The following SLC19A1 variants were observed in gnomAD, a reference collection of about 807,000 sequenced individuals.
SLC19A1 encodes solute carrier family 19 member 1.
Under a neutral mutation model 35.3 loss-of-function variants are expected in SLC19A1, and 37 were observed. The observed-to-expected ratio is 1.05, with a 90% CI of 0.81 to 1.38. SLC19A1 has a LOEUF of 1.38. Among genes scored for constraint, SLC19A1 ranks in the 40% most tolerant of loss-of-function variants. The pLI, the probability that SLC19A1 is intolerant of heterozygous loss-of-function variation, is 0.00. For synonymous variants in SLC19A1, 460 were observed against 398.5 expected (o/e 1.15, Z -1.84); for missense variants, 831 against 826.9 (o/e 1.00, Z -0.06).
Position 45,515,663 on chromosome 21 carries a change from G to T in SLC19A1, c.1771C>A (p.Gln591Lys). 6.2e-7 allele frequency: 1 copy of T among 1,613,478 alleles called. No individual in the cohort carries two copies. The highest frequency in any genetic ancestry group is 1.1e-5 in the South Asian group (1 of 91,050). ...LPSDGVQNVN[Q>K] ...ACCACAGGGGCGCCCGAGAGTCACTGGTTCACATTCTGAACACCGTCGCTT... is the reference window on the plus strand; with the variant it reads ...ACCACAGGGGCGCCCGAGAGTCACTTGTTCACATTCTGAACACCGTCGCTT... The change falls in exon 6 of 6, where the codon CAG (glutamine) becomes AAG (lysine). Residue 591 changes from glutamine (Q) to lysine (K), a missense_variant. Transcript: ENST00000311124.
chr21:45,554,718 C>G (rs1427611073), intron 1 of SLC19A1, among the ~76,000 whole-genome samples: 1 of 151,060 alleles, frequency 6.6e-6, no homozygotes, highest in Non-Finnish European at 1.5e-5. Context: ...GACATTTGGA[C>G]ATCTCCTTCC....
upstream of SLC19A1, among the ~76,000 whole-genome samples, chr21:45,545,718 A>G (rs2078407761): frequency 6.6e-6 from 1 of 151,990 alleles, no homozygotes; most frequent in African/African-American, 2.4e-5. Context: ...ACGGCACCCC[A>G]TATGCAGGAA....
At chr21:45,560,844 G>A (rs1350297074) in intron 1 of SLC19A1, among the ~76,000 whole-genome samples, 1 of 152,228 alleles carries the variant, frequency 6.6e-6, no homozygotes, top group Non-Finnish European at 1.5e-5. Context: ...CGGAGAATCG[G>A]CGCTGTCCTC....
In SLC19A1 at chr21:45,534,672, C is replaced by T. The variant is rs2078048547; in HGVS notation, c.190-2524G>A. ...CTCCCCCTTGGCAGCCACCCAGAGC[C>T]CTCCCGCTCCTCTCCCTGCACCTCC... On this transcript the variant is annotated intron_variant, in intron 2 of 5. Coordinates refer to ENST00000311124, the MANE Select transcript of SLC19A1 (RefSeq NM_194255.4). The surrounding 1 kb of genome is among the most constrained non-coding windows in gnomAD (Gnocchi z 4.2). 1.5e-6 allele frequency: 2 copies of T among 1,314,270 alleles called. No individual in the cohort carries two copies. Among genetic ancestry groups the T allele is most frequent in the Non-Finnish European group, 2.1e-6 (2 of 947,388 alleles). The allele number at this position is 1,314,270 out of a possible 1,614,324, so 81.4% of individuals were successfully genotyped here. A position where few individuals can be genotyped will look rare whatever the true frequency, so the allele number is the denominator to read the frequency against.
Position 45,514,787 on chromosome 21 carries a change from A to C in SLC19A1, c.*871T>G. ...TCAGATGGTCCCGCACCTGTGGGCA[A>C]GGCACTAGCGCTCCTTAGACCCTGA... On this transcript the variant is annotated 3_prime_UTR_variant, in exon 6 of 6. Transcript: ENST00000311124. The C allele has an allele frequency of 1.9e-6, 1 of 525,610 alleles. No homozygotes were observed. Among genetic ancestry groups the C allele is most frequent in the Non-Finnish European group, 3.3e-6 (1 of 303,056 alleles). 32.6% of individuals were successfully genotyped at this position (525,610 alleles called of 1,614,324 possible). A position where few individuals can be genotyped will look rare whatever the true frequency, so the allele number is the denominator to read the frequency against.
chr21:45,525,703 A>G (rs764812136), intron 5 of SLC19A1, 114 bp downstream of exon 5: 68 of 1,249,928 alleles, frequency 5.4e-5, no homozygotes, highest in Admixed American at 7.9e-5. Context: ...CCAGGCCCGC[A>G]CCCTGTGCCC....
At chr21:45,523,517 C>T (rs1029549333) in intron 5 of SLC19A1, among the ~76,000 whole-genome samples, 1 of 152,198 alleles carries the variant, frequency 6.6e-6, no homozygotes, top group Non-Finnish European at 1.5e-5. Flanking sequence ...ACTGCTCCAC[C>T]CCCTGCACCA....
intron 4 of SLC19A1, among the ~76,000 whole-genome samples, chr21:45,526,505 C>T (rs1363963488): frequency 1.3e-5 from 2 of 152,180 alleles, no homozygotes; most frequent in African/African-American, 4.8e-5. Flanking sequence ...AGGTCAGGTA[C>T]AGGATTTTCC....
At chr21:45,561,403 G>A (rs540660609) in intron 1 of SLC19A1, among the ~76,000 whole-genome samples, 153 of 152,308 alleles carry the variant, frequency 1.0e-3, no homozygotes, top group Non-Finnish European at 1.6e-3. Context: ...GGCCCGGAGC[G>A]TCTCCCGGTG....
rs11284347 is a variant in SLC19A1, at chr21:45,515,163, T to TA, written c.*494dup. 3,980 of 1,450,404 alleles carry TA rather than the reference T, an allele frequency of 2.7e-3. No individual in the cohort carries two copies. Among genetic ancestry groups the TA allele is most frequent in the Non-Finnish European group, 3.0e-3 (3,258 of 1,089,498 alleles). The allele number at this position is 1,450,404 out of a possible 1,614,324, so 89.8% of individuals were successfully genotyped here. A position where few individuals can be genotyped will look rare whatever the true frequency, so the allele number is the denominator to read the frequency against. On this transcript the variant is annotated 3_prime_UTR_variant, in exon 6 of 6. Transcript: ENST00000311124. ...ATGCAGTTCTTCATTCTACGTCAGTTAAAAAAAAAAAAAGCATCTTTCAAA... is the reference window on the plus strand; with the variant it reads ...ATGCAGTTCTTCATTCTACGTCAGTTAAAAAAAAAAAAAAGCATCTTTCAAA...
chr21:45,541,184 T>C (rs1379023158), intron 1 of SLC19A1, among the ~76,000 whole-genome samples: 1 of 152,210 alleles, frequency 6.6e-6, no homozygotes, highest in Admixed American at 6.5e-5. Flanking sequence ...ATAACTGTAC[T>C]ATCTGGAATT....
chr21:45,528,229 C>G (rs993491659), intron 4 of SLC19A1, among the ~76,000 whole-genome samples: 1 of 152,096 alleles, frequency 6.6e-6, no homozygotes, highest in South Asian at 2.1e-4. Flanking sequence ...TGGATGCCAG[C>G]GCTGGGCAGG....
At chr21:45,535,831 G>T (rs748344623) in intron 2 of SLC19A1, among the ~76,000 whole-genome samples, 2 of 152,244 alleles carry the variant, frequency 1.3e-5, no homozygotes, top group Non-Finnish European at 2.9e-5. Context: ...CACGTGGAAC[G>T]TCTCTCAAGT....
At chr21:45,509,619 G>C (rs774004664), downstream of SLC19A1, 2 of 1,368,370 alleles carry the variant, frequency 1.5e-6, no homozygotes, top group East Asian at 5.0e-5. Context: ...CCCCCCCAAA[G>C]TGGGCTTGGC....
chr21:45,511,874 C>T (rs912093940), downstream of SLC19A1, among the ~76,000 whole-genome samples: 3 of 152,160 alleles, frequency 2.0e-5, no homozygotes, highest in Admixed American at 6.5e-5. Flanking sequence ...TGGTTCCTAG[C>T]GAGGCAGCCA....
chr21:45,511,102 C>A, downstream of SLC19A1: 3 of 1,446,894 alleles, frequency 2.1e-6, no homozygotes, highest in South Asian at 1.2e-5. Flanking sequence ...CACACGGTTT[C>A]TCTTCCAGGA....
At chr21:45,550,938 C>T (rs1460975198) in intron 1 of SLC19A1, among the ~76,000 whole-genome samples, 10 of 139,136 alleles carry the variant, frequency 7.2e-5, no homozygotes, top group Non-Finnish European at 9.4e-5. Context: ...CCCCACAACC[C>T]TTCCCCCACC....
At chr21:45,554,811 A>C (rs1196139325) in intron 1 of SLC19A1, among the ~76,000 whole-genome samples, 1 of 151,784 alleles carries the variant, frequency 6.6e-6, no homozygotes, top group African/African-American at 2.4e-5. Context: ...TCTTTCTCTT[A>C]CGGTTTCGGT....
chr21:45,516,316 C>CCT (rs1377308121), intron 5 of SLC19A1, among the ~76,000 whole-genome samples, 176 bp from the exon 6 acceptor site: 2 of 152,068 alleles, frequency 1.3e-5, no homozygotes, highest in Admixed American at 6.5e-5. Flanking sequence ...CACCACAGCC[C>CCT]CCCCGACCTC....
Sources: allele counts gnomAD v4.1 joint callset (sites outside exome capture counted in the v4.1 genomes callset), GRCh38; gene constraint gnomAD v4.1.1; non-coding constraint Gnocchi (gnomAD v3.1); transcripts MANE v1.5; gene names NCBI Gene and HGNC (gene_info 2026-07-23, HGNC 2026-07-21).